The following PLD5 variants were observed in gnomAD, a reference collection of about 807,000 sequenced individuals.
PLD5 encodes inactive phospholipase D5.
In PLD5, 36 loss-of-function variants were observed where a neutral mutation model predicts 61.1. The ratio of observed to expected loss-of-function variants is 0.59; its 90% CI spans 0.45 to 0.78. The LOEUF is 0.78. Among genes scored for constraint, PLD5 ranks in the 30% least tolerant of loss-of-function variants. The probability of loss-of-function intolerance (pLI) is 0.00; values close to 1 mark genes in which losing one functional copy is unlikely to be tolerated. For synonymous variants in PLD5, 243 were observed against 242.8 expected (o/e 1.00, Z -0.01); for missense variants, 515 against 644.4 (o/e 0.80, Z 2.17).
intron 1 of PLD5, among the ~76,000 whole-genome samples, chr1:242,508,992 A>G (rs1029664671): frequency 1.3e-5 from 2 of 152,140 alleles, no homozygotes; most frequent in Admixed American, 6.5e-5. Flanking sequence ...GAGGCAGGAG[A>G]ATCACTTGAA....
At chr1:242,488,657 A>T (rs1381093439) in intron 1 of PLD5, among the ~76,000 whole-genome samples, 5 of 152,196 alleles carry the variant, frequency 3.3e-5, no homozygotes, top group South Asian at 2.1e-4. Flanking sequence ...ATGACGGTGG[A>T]TATATGCCAT....
rs1230865798 is a variant in PLD5, at chr1:242,403,787, T to C, written c.190-55545A>G. Among the ~76,000 whole-genome samples, 9 of 152,252 alleles carry C rather than the reference T, an allele frequency of 5.9e-5. No homozygotes were observed. In the East Asian group the frequency reaches 1.7e-3, roughly 29 times the overall value. The stretch of plus-strand genomic sequence containing the variant: ...AGCTCCTGGGTGTGAATGAGCCCCA[T>C]CTGGTCACAGTGGGACCCTCAGTAA... On this transcript the variant is annotated intron_variant, in intron 1 of 9. Coordinates refer to ENST00000536534, the MANE Select transcript of PLD5 (RefSeq NM_001372062.1).
intron 2 of PLD5, among the ~76,000 whole-genome samples, chr1:242,299,218 A>G (rs559424435): frequency 6.6e-6 from 1 of 152,302 alleles, no homozygotes; most frequent in Admixed American, 6.5e-5. Context: ...TGCGATGTGA[A>G]ATGAGCACAT....
intron 2 of PLD5, among the ~76,000 whole-genome samples, chr1:242,297,381 C>G (rs1344857652): frequency 1.4e-5 from 2 of 140,784 alleles, no homozygotes; most frequent in Non-Finnish European, 3.0e-5. Flanking sequence ...AGCTTCCCCC[C>G]TTTTCCTATC....
chr1:242,319,713 A>C (rs1658258928), intron 2 of PLD5, among the ~76,000 whole-genome samples: 1 of 152,204 alleles, frequency 6.6e-6, no homozygotes, highest in Non-Finnish European at 1.5e-5. Context: ...AGAACTGAAA[A>C]GTCATCTCTC....
chr1:242,272,334 G>T (rs1674138312), intron 3 of PLD5, among the ~76,000 whole-genome samples: 1 of 151,532 alleles, frequency 6.6e-6, no homozygotes, highest in South Asian at 2.1e-4. Flanking sequence ...CTCAAAATTG[G>T]GCAGATCTAA....
chr1:242,316,836 G>A (rs1478836516), intron 2 of PLD5, among the ~76,000 whole-genome samples: 2 of 144,558 alleles, frequency 1.4e-5, no homozygotes, highest in African/African-American at 5.2e-5. Context: ...TCATCATTTA[G>A]CTCCTACTTA....
intron 1 of PLD5, among the ~76,000 whole-genome samples, chr1:242,447,940 G>A (rs920484047): frequency 1.3e-5 from 2 of 152,220 alleles, no homozygotes; most frequent in African/African-American, 4.8e-5. Flanking sequence ...GGCTAATGAA[G>A]GGAAGAAAGG....
intron 5 of PLD5, among the ~76,000 whole-genome samples, chr1:242,168,846 G>GT (rs34280777): frequency 0.18 from 19,927 of 111,108 alleles, 2,427 homozygotes; most frequent in Non-Finnish European, 0.24. Context: ...AATTAATGAA[G>GT]TTTTTTTTTT....
intron 2 of PLD5, among the ~76,000 whole-genome samples, chr1:242,324,376 A>G (rs1453015876): frequency 1.3e-5 from 2 of 152,242 alleles, no homozygotes; most frequent in East Asian, 3.8e-4. Flanking sequence ...TTTTTGCTAA[A>G]AACAAAGTAA....
chr1:242,403,468 CTTT>C lies in PLD5; in HGVS notation c.190-55229_190-55227del, dbSNP rs199559256. Among the ~76,000 whole-genome samples the C allele has an allele frequency of 1.3e-3, 180 of 139,006 alleles. No homozygotes were observed. The East Asian group carries it at 0.013, about 10-fold the overall frequency. The allele number at this position is 139,006 out of a possible 152,430, so 91.2% of individuals were successfully genotyped here. A position where few individuals can be genotyped will look rare whatever the true frequency, so the allele number is the denominator to read the frequency against. ...TTCTCCCCATCAGTTCTTGGATAGG[CTTT>C]TTTTTTTTTTTTTTAAGATATCTCG... On this transcript the variant is annotated intron_variant, in intron 1 of 9. Coordinates refer to ENST00000536534, the MANE Select transcript of PLD5 (RefSeq NM_001372062.1).
intron 1 of PLD5, among the ~76,000 whole-genome samples, chr1:242,447,153 A>G (rs974455340): frequency 6.6e-6 from 1 of 152,236 alleles, no homozygotes; most frequent in African/African-American, 2.4e-5. Flanking sequence ...GAAATAACTT[A>G]AAAGTCGTCT....
Position 242,524,265 on chromosome 1 carries a change from C to T in PLD5, c.12G>A (p.Arg4=). ...GGGAGGCCGAGAGCCACTCGTGCTG[C>T]CGGATCTCCATCCTGACATGACCGG... MEI[R]QHEWLSASPH... Residue 4 remains arginine, a synonymous_variant, in exon 1 of 10, where the codon CGG becomes CGA. Transcript: ENST00000536534. The T allele has an allele frequency of 6.7e-7, 1 of 1,482,596 alleles. No individual in the cohort carries two copies. Among genetic ancestry groups the T allele is most frequent in the Non-Finnish European group, 8.9e-7 (1 of 1,120,980 alleles). The allele number at this position is 1,482,596 out of a possible 1,614,324, so 91.8% of individuals were successfully genotyped here. A position where few individuals can be genotyped will look rare whatever the true frequency, so the allele number is the denominator to read the frequency against.
At chr1:242,479,851 G>A (rs1371293492) in intron 1 of PLD5, among the ~76,000 whole-genome samples, 4 of 151,340 alleles carry the variant, frequency 2.6e-5, no homozygotes, top group African/African-American at 9.7e-5. Context: ...AGACTAACCT[G>A]GCCCACATGG....
intron 1 of PLD5, among the ~76,000 whole-genome samples, chr1:242,460,132 T>C (rs1362267348): frequency 6.6e-6 from 1 of 152,210 alleles, no homozygotes; most frequent in Non-Finnish European, 1.5e-5. Context: ...TATTGTAAAT[T>C]CTTATCTCTG....
At chr1:242,106,004 C>A (rs1275586011) in intron 8 of PLD5, among the ~76,000 whole-genome samples, 1 of 152,204 alleles carries the variant, frequency 6.6e-6, no homozygotes, top group African/African-American at 2.4e-5. Context: ...GGACCCCAAA[C>A]TCCTTTAACT....
chr1:242,117,019 C>T (rs1432611085), intron 6 of PLD5, among the ~76,000 whole-genome samples: 1 of 152,180 alleles, frequency 6.6e-6, no homozygotes, highest in Non-Finnish European at 1.5e-5. Context: ...CACTTGGGCA[C>T]TAGTGCTGCT....
intron 5 of PLD5, among the ~76,000 whole-genome samples, chr1:242,194,606 GTATCTATCTATGTATC>G (rs1276964063): frequency 1.4e-4 from 17 of 123,656 alleles, no homozygotes; most frequent in South Asian, 7.4e-4. Context: ...ATCTATCTAT[GTATCTATCTATGTATC>G]TATCTATCTA....
At chr1:242,207,914 T>TTTTATATATATTTATATATTTATA (rs1558344530) in intron 5 of PLD5, among the ~76,000 whole-genome samples, 3 of 12,842 alleles carry the variant, frequency 2.3e-4, no homozygotes, top group Non-Finnish European at 3.9e-4. Flanking sequence ...TTATATATAT[T>TTTTATATATATTTATATATTTATA]TATATATTTA....
Sources: allele counts gnomAD v4.1 joint callset (sites outside exome capture counted in the v4.1 genomes callset), GRCh38; gene constraint gnomAD v4.1.1; transcripts MANE v1.5; gene names NCBI Gene and HGNC (gene_info 2026-07-23, HGNC 2026-07-21).